The following RAMP1 variants were observed in gnomAD, a reference collection of about 807,000 sequenced individuals.
RAMP1 encodes receptor activity modifying protein 1.
Under a neutral mutation model 8.2 loss-of-function variants are expected in RAMP1, and 7 were observed. The ratio of observed to expected loss-of-function variants is 0.85; its 90% CI spans 0.49 to 1.60. The LOEUF is 1.60. RAMP1 is among the 40% of genes most tolerant of loss of function. RAMP1 has a pLI of 0.00. For synonymous variants in RAMP1, 92 were observed against 84.7 expected (o/e 1.09, Z -0.47); for missense variants, 192 against 202.4 (o/e 0.95, Z 0.31).
chr2:237,897,181 C>G (rs2062550635), intron 2 of RAMP1, among the ~76,000 whole-genome samples: 1 of 152,244 alleles, frequency 6.6e-6, no homozygotes, highest in Non-Finnish European at 1.5e-5. Context: ...GCCTCAGCCT[C>G]CATCCCAGGA....
intron 2 of RAMP1, among the ~76,000 whole-genome samples, chr2:237,883,639 G>A (rs961619540): frequency 6.6e-6 from 1 of 152,032 alleles, no homozygotes; most frequent in African/African-American, 2.4e-5. Flanking sequence ...AACAAAGTGA[G>A]ACTCCATCTC....
chr2:237,908,481 C>T (rs1679653000), intron 2 of RAMP1, among the ~76,000 whole-genome samples: 2 of 151,708 alleles, frequency 1.3e-5, no homozygotes, highest in Non-Finnish European at 2.9e-5. Context: ...GGCTAGAGTG[C>T]AGTGGCATGA....
intron 2 of RAMP1, among the ~76,000 whole-genome samples, chr2:237,888,477 G>C (rs2062457509): frequency 6.6e-6 from 1 of 150,388 alleles, no homozygotes; most frequent in Non-Finnish European, 1.5e-5. Flanking sequence ...AGTTTGTAGG[G>C]ATTTTATTTT....
At chr2:237,884,624 G>A (rs185661900) in intron 2 of RAMP1, among the ~76,000 whole-genome samples, 239 of 152,262 alleles carry the variant, frequency 1.6e-3, no homozygotes, top group Admixed American at 4.8e-3. Context: ...TTGGGCAGGG[G>A]AAAGGTGTCC....
intron 2 of RAMP1, among the ~76,000 whole-genome samples, chr2:237,890,124 A>T (rs1430336173): frequency 6.6e-6 from 1 of 152,194 alleles, no homozygotes; most frequent in African/African-American, 2.4e-5. Flanking sequence ...TGTTTCCTTA[A>T]TCAGGTTTTA....
intron 2 of RAMP1, among the ~76,000 whole-genome samples, chr2:237,895,932 G>A (rs2062538350): frequency 6.6e-6 from 1 of 152,198 alleles, no homozygotes; most frequent in African/African-American, 2.4e-5. Context: ...GGACAGGCCT[G>A]AGTGTGGTCT....
intron 1 of RAMP1, among the ~76,000 whole-genome samples, chr2:237,864,461 T>C (rs1460251057): frequency 6.6e-6 from 1 of 152,210 alleles, no homozygotes; most frequent in Non-Finnish European, 1.5e-5. Flanking sequence ...TTCTTGCCTC[T>C]GGAGGAGACA....
At chr2:237,879,989 C>CAAAAAAAA (rs35678960) in intron 2 of RAMP1, among the ~76,000 whole-genome samples, 8 of 75,852 alleles carry the variant, frequency 1.1e-4, no homozygotes, top group Non-Finnish European at 1.7e-4. Context: ...GACTTTGTCT[C>CAAAAAAAA]AAAAAAAAAA....
chr2:237,872,490 C>T (rs371127140), intron 1 of RAMP1, among the ~76,000 whole-genome samples: 1 of 152,184 alleles, frequency 6.6e-6, no homozygotes, highest in African/African-American at 2.4e-5. Context: ...CATCTGCAGC[C>T]GGGGCTCCTG....
At chr2:237,905,520 C>T (rs1361752528) in intron 2 of RAMP1, among the ~76,000 whole-genome samples, 2 of 152,202 alleles carry the variant, frequency 1.3e-5, no homozygotes, top group Non-Finnish European at 2.9e-5. Flanking sequence ...GGCGTGGCTT[C>T]CTGCATCCGC....
At chr2:237,888,824 T>G (rs2062461324) in intron 2 of RAMP1, among the ~76,000 whole-genome samples, 1 of 152,144 alleles carries the variant, frequency 6.6e-6, no homozygotes, top group South Asian at 2.1e-4. Context: ...CAGGCTGGAG[T>G]GCAGCGGCAC....
intron 2 of RAMP1, among the ~76,000 whole-genome samples, chr2:237,883,160 C>A (rs2062389050): frequency 6.6e-6 from 1 of 152,124 alleles, no homozygotes; most frequent in African/African-American, 2.4e-5. Context: ...GCCTCTGGGC[C>A]AGAGCTGCCA....
intron 2 of RAMP1, among the ~76,000 whole-genome samples, chr2:237,889,025 G>A (rs563591041): frequency 5.7e-4 from 87 of 152,180 alleles, no homozygotes; most frequent in African/African-American, 2.0e-3. Flanking sequence ...CATCCGCCTC[G>A]GCCTCCCAAG....
chr2:237,872,898 T>G (rs1453092722), intron 1 of RAMP1, among the ~76,000 whole-genome samples: 1 of 152,230 alleles, frequency 6.6e-6, no homozygotes, highest in Non-Finnish European at 1.5e-5. Flanking sequence ...CATGTGCCTC[T>G]GGTCCCAGCT....
chr2:237,911,543 G>A lies in RAMP1; in HGVS notation c.207G>A (p.Leu69=). ...CCATCCGCAGGAGCTACAGGGAGCTGGCCGACTGCACCTGGCACATGGCGG... is the reference window on the plus strand; with the variant it reads ...CCATCCGCAGGAGCTACAGGGAGCTAGCCGACTGCACCTGGCACATGGCGG... ...WGRTIRSYRE[L]ADCTWHMAEK... is the part of the protein sequence containing the mutation. Residue 69 remains leucine (L), a synonymous_variant, in exon 3 of 3, where the codon CTG becomes CTA. Transcript: ENST00000254661. The A allele has an allele frequency of 1.2e-6, 2 of 1,614,134 alleles. No homozygotes were observed. Among genetic ancestry groups the A allele is most frequent in the African/African-American group, 1.3e-5 (1 of 75,072 alleles).
chr2:237,903,995 T>G (rs1432975156), intron 2 of RAMP1, among the ~76,000 whole-genome samples: 1 of 152,190 alleles, frequency 6.6e-6, no homozygotes, highest in Non-Finnish European at 1.5e-5. Flanking sequence ...GGCCTAGGCC[T>G]CCCCCAGCGT....
intron 2 of RAMP1, among the ~76,000 whole-genome samples, chr2:237,889,483 A>G (rs1172567555): frequency 6.6e-6 from 1 of 152,196 alleles, no homozygotes; most frequent in Admixed American, 6.5e-5. Flanking sequence ...TCCTATGTGC[A>G]TTAGAGTCTA....
At chr2:237,894,596 G>A (rs947960012) in intron 2 of RAMP1, among the ~76,000 whole-genome samples, 1 of 152,202 alleles carries the variant, frequency 6.6e-6, no homozygotes, top group Non-Finnish European at 1.5e-5. Flanking sequence ...CCTGGCTAGG[G>A]GGTGAGACCC....
chr2:237,910,757 T>TCA (rs1251800287), intron 2 of RAMP1, among the ~76,000 whole-genome samples: 4 of 114,572 alleles, frequency 3.5e-5, no homozygotes, highest in Admixed American at 1.7e-4. Flanking sequence ...CAGAAAATAG[T>TCA]CACACACACA....
Sources: gnomAD v4.1 joint callset for allele counts (sites outside exome capture counted in the v4.1 genomes callset) on GRCh38, gnomAD v4.1.1 for gene constraint, MANE v1.5 for transcripts, NCBI Gene and HGNC (gene_info 2026-07-23, HGNC 2026-07-21) for gene names.